The following EPHA6 variants were observed in gnomAD, a reference collection of about 807,000 sequenced individuals.
EPHA6 encodes EPH receptor A6, also known as ephrin type-A receptor 6.
EPHA6 carries 50 observed loss-of-function variants against 112.0 expected under a neutral mutation model. The observed-to-expected ratio is 0.45, with a 90% confidence interval of 0.36 to 0.56. The LOEUF is 0.56. EPHA6 is among the 20% of genes least tolerant of loss of function. EPHA6 has a pLI of 0.00. For missense variants in EPHA6, 1,280 were observed against 1,417.4 expected, an observed-to-expected ratio of 0.90 and a Z score of 1.56; for synonymous variants, 529 against 490.7, an observed-to-expected ratio of 1.08 and a Z score of -1.03.
At chr3:97,636,722 GT>G (rs1257056191) in intron 13 of EPHA6, among the ~76,000 whole-genome samples, 1 of 152,002 alleles carries the variant, frequency 6.6e-6, no homozygotes, top group African/African-American at 2.4e-5. Context: ...CTGCACTATG[GT>G]TTGAAATCAG....
At chr3:97,445,585 GA>G in intron 6 of EPHA6, among the ~76,000 whole-genome samples, 1 of 152,036 alleles carries the variant, frequency 6.6e-6, no homozygotes, top group Non-Finnish European at 1.5e-5. Flanking sequence ...ATATTTGAAA[GA>G]ATGTGCTGAT....
intron 2 of EPHA6, among the ~76,000 whole-genome samples, chr3:96,942,457 C>T (rs1042477466): frequency 3.3e-5 from 5 of 152,156 alleles, no homozygotes; most frequent in African/African-American, 7.2e-5. Flanking sequence ...ATTTTAAGCC[C>T]GTTGGAAAAG....
At chr3:96,940,572 T>C (rs1351928815) in intron 2 of EPHA6, among the ~76,000 whole-genome samples, 2 of 152,304 alleles carry the variant, frequency 1.3e-5, no homozygotes, top group East Asian at 3.9e-4. Flanking sequence ...TCTGTGTCTT[T>C]TAGTTGGAGC....
chr3:97,024,905 A>C (rs2044585287), intron 3 of EPHA6, among the ~76,000 whole-genome samples: 1 of 152,208 alleles, frequency 6.6e-6, no homozygotes, highest in Non-Finnish European at 1.5e-5. Flanking sequence ...TCTGGTTTCC[A>C]AAAACCTGAA....
At chr3:96,953,741 A>G (rs2041646090) in intron 2 of EPHA6, among the ~76,000 whole-genome samples, 2 of 152,158 alleles carry the variant, frequency 1.3e-5, no homozygotes, top group Non-Finnish European at 2.9e-5. Flanking sequence ...CATGTTTGAC[A>G]TTCCTTCTTT....
intron 3 of EPHA6, among the ~76,000 whole-genome samples, chr3:97,126,680 A>G (rs1329943891): frequency 6.6e-6 from 1 of 151,680 alleles, no homozygotes; most frequent in African/African-American, 2.4e-5. Context: ...TGTACTCTGC[A>G]CTAAGGAATG....
intron 3 of EPHA6, among the ~76,000 whole-genome samples, chr3:97,197,469 C>T (rs1359765838): frequency 6.6e-6 from 1 of 151,972 alleles, no homozygotes; most frequent in Non-Finnish European, 1.5e-5. Flanking sequence ...GAAATGTCAT[C>T]TGGGAGCTAG....
chr3:96,901,597 A>G (rs927929608), intron 2 of EPHA6, among the ~76,000 whole-genome samples: 2 of 152,170 alleles, frequency 1.3e-5, no homozygotes, highest in African/African-American at 4.8e-5. Context: ...AATGTATAAC[A>G]TTCAAAATGA....
At chr3:97,225,202 G>A (rs1239372319) in intron 3 of EPHA6, among the ~76,000 whole-genome samples, 1 of 152,080 alleles carries the variant, frequency 6.6e-6, no homozygotes, top group Admixed American at 6.5e-5. Context: ...TGATCAGCCC[G>A]CCTCGGCCTC....
At chr3:97,213,490 T>A (rs140151629) in intron 3 of EPHA6, among the ~76,000 whole-genome samples, 1 of 152,266 alleles carries the variant, frequency 6.6e-6, no homozygotes, top group African/African-American at 2.4e-5. Flanking sequence ...TGCCACATTC[T>A]CTCTGAGCAT....
At chr3:97,178,004 T>G (rs781373855) in intron 3 of EPHA6, among the ~76,000 whole-genome samples, 25 of 152,052 alleles carry the variant, frequency 1.6e-4, no homozygotes, top group South Asian at 4.1e-4. Flanking sequence ...CTTGGTTTTC[T>G]GATTGTTTTG....
At chr3:97,180,549 A>G (rs918611004) in intron 3 of EPHA6, among the ~76,000 whole-genome samples, 2 of 152,062 alleles carry the variant, frequency 1.3e-5, no homozygotes, top group Non-Finnish European at 2.9e-5. Flanking sequence ...AGGGTCCAAG[A>G]GCTCTTCAGT....
intron 3 of EPHA6, among the ~76,000 whole-genome samples, chr3:97,181,807 A>G (rs2076996212): frequency 6.6e-6 from 1 of 152,108 alleles, no homozygotes; most frequent in South Asian, 2.1e-4. Context: ...TAGCATGGAT[A>G]TCAATTCTAT....
intron 3 of EPHA6, among the ~76,000 whole-genome samples, chr3:97,056,923 A>G (rs1410059979): frequency 2.0e-5 from 3 of 152,144 alleles, no homozygotes; most frequent in Non-Finnish European, 2.9e-5. Context: ...CACCACAATT[A>G]TTGCTACCAA....
intron 14 of EPHA6, among the ~76,000 whole-genome samples, chr3:97,708,431 C>T (rs1403672630): frequency 6.6e-6 from 1 of 152,148 alleles, no homozygotes; most frequent in African/African-American, 2.4e-5. Context: ...TGAACAAATA[C>T]AGTTATATGT....
At chr3:96,951,042 A>C (rs2041511377) in intron 2 of EPHA6, among the ~76,000 whole-genome samples, 1 of 151,914 alleles carries the variant, frequency 6.6e-6, no homozygotes, top group South Asian at 2.1e-4. Flanking sequence ...CAGCGTTGGC[A>C]GTGGAATTAT....
intron 13 of EPHA6, among the ~76,000 whole-genome samples, chr3:97,635,451 A>C (rs2093937257): frequency 6.6e-6 from 1 of 152,162 alleles, no homozygotes; most frequent in Non-Finnish European, 1.5e-5. Context: ...ACACAAAAAG[A>C]GTAGAAATTA....
chr3:97,673,806 C>A (rs1189075672), intron 14 of EPHA6, among the ~76,000 whole-genome samples: 1 of 152,226 alleles, frequency 6.6e-6, no homozygotes, highest in Non-Finnish European at 1.5e-5. Context: ...CCAAGGCCTT[C>A]TTAGCCAGCT....
rs555844704 is a variant in EPHA6, at chr3:97,760,875, TATTA to T, written c.*12180_*12183del. 88 of 189,040 alleles carry T rather than the reference TATTA, an allele frequency of 4.7e-4. 1 individual carries two copies. Among genetic ancestry groups the T allele is most frequent in the African/African-American group, 1.8e-3 (79 of 42,972 alleles). 11.7% of individuals were successfully genotyped at this position (189,040 alleles called of 1,614,324 possible). On this transcript the variant is annotated 3_prime_UTR_variant, in exon 18 of 18. Coordinates refer to ENST00000389672, the MANE Select transcript of EPHA6 (RefSeq NM_001080448.3). ...TGTAACTTGTCATGAAGCTATTTAT[TATTA>T]ATTAAGGATTTAACTCTGTACCCAT...
Sources: gnomAD v4.1 joint callset for allele counts (sites outside exome capture counted in the v4.1 genomes callset) on GRCh38, gnomAD v4.1.1 for gene constraint, MANE v1.5 for transcripts, NCBI Gene and HGNC (gene_info 2026-07-23, HGNC 2026-07-21) for gene names.